Variants in MBTPS1 observed in about 807,000 individuals in gnomAD.
The protein encoded by MBTPS1 is membrane-bound transcription factor site-1 protease.
Under a neutral mutation model 127.8 loss-of-function variants are expected in MBTPS1, and 94 were observed. That is an observed-to-expected ratio of 0.74 (90% CI 0.62 to 0.87). MBTPS1 has a LOEUF of 0.87. MBTPS1 is among the 40% of genes least tolerant of loss of function. The pLI, the probability that MBTPS1 is intolerant of heterozygous loss-of-function variation, is 0.00. For missense variants in MBTPS1, 1,636 were observed against 1,353.2 expected (o/e 1.21, Z -3.28); for synonymous variants, 632 against 509.4 (o/e 1.24, Z -3.24).
chr16:84,066,856 T>C (rs1440240111), intron 16 of MBTPS1, among the ~76,000 whole-genome samples: 7 of 152,156 alleles, frequency 4.6e-5, no homozygotes, highest in Non-Finnish European at 7.3e-5. Flanking sequence ...TTTACCGAAA[T>C]GCACCAGAGA....
chr16:84,082,539 T>G (rs1002245037), intron 10 of MBTPS1, among the ~76,000 whole-genome samples: 4 of 152,224 alleles, frequency 2.6e-5, no homozygotes, highest in African/African-American at 9.7e-5. Context: ...GGCTAGGAAC[T>G]TAGCCTGGTG....
Position 84,095,604 on chromosome 16 carries a change from G to C in MBTPS1, c.623C>G (p.Thr208Arg). The change falls in exon 4 of 23, where the codon ACA becomes AGA. Residue 208 changes from threonine (T) to arginine (R), a missense_variant and splice_region_variant. By Grantham distance (71) the Thr-to-Arg change is moderately conservative (BLOSUM62 -1). Coordinates refer to ENST00000343411, the MANE Select transcript of MBTPS1 (RefSeq NM_003791.4). ...QADVLWQMGY[T>R]GANVRVAVFD... ...CTTCCCTGGGTAATAGCACACACCT[G>C]TATATCCCATCTGCCAGAGCACATC... 1 of 1,614,086 alleles carries C rather than the reference G, an allele frequency of 6.2e-7. No homozygotes were observed. The highest frequency in any genetic ancestry group is 8.5e-7 in the Non-Finnish European group (1 of 1,179,968).
At position 84,068,442 on chromosome 16, in the gene MBTPS1, G is replaced by A; in HGVS notation, c.1968C>T (p.His656=). The A allele has an allele frequency of 6.2e-7, 1 of 1,607,982 alleles. No homozygotes were observed. Among genetic ancestry groups the A allele is most frequent in the Non-Finnish European group, 8.5e-7 (1 of 1,174,286 alleles). The change falls in exon 15 of 23, where the codon CAC becomes CAT. Residue 656 remains histidine (H), a synonymous_variant. Transcript: ENST00000343411. The part of the protein sequence containing the change: ...KNDPLDWNGD[H]IHTNFRDMYQ... The stretch of plus-strand genomic sequence containing the variant: ...ACATATCCCTGAAATTGGTGTGGAT[G>A]TGATCACCATTCCTGAAAAACAATA...
chr16:84,101,704 T>G lies in MBTPS1; in HGVS notation c.80A>C (p.Lys27Thr), dbSNP rs148341491. The G allele has an allele frequency of 1.0e-4, 165 of 1,614,170 alleles. No homozygotes were observed. The East Asian group carries it at 2.2e-3, about 22-fold the overall frequency. Reference protein sequence around the residue: ...GKKHLGDRLEKKSFEKAPCPG... With the variant: ...GKKHLGDRLETKSFEKAPCPG... Reference sequence around the variant, plus strand: ...GCATGGGGCCTTTTCAAAAGATTTCTTTTCCAGTCTGTCGCCCAGATGTTT... The same window carrying G: ...GCATGGGGCCTTTTCAAAAGATTTCGTTTCCAGTCTGTCGCCCAGATGTTT... Residue 27 changes from lysine to threonine, a missense_variant, in exon 2 of 23, where the codon AAG becomes ACG. Physicochemically the swap from Lys to Thr is moderately conservative, Grantham distance 78. Coordinates refer to ENST00000343411, the MANE Select transcript of MBTPS1 (RefSeq NM_003791.4).
intron 2 of MBTPS1, among the ~76,000 whole-genome samples, chr16:84,100,436 CG>C (rs759898234): frequency 5.1e-4 from 78 of 151,892 alleles, no homozygotes; most frequent in Non-Finnish European, 9.6e-4. Flanking sequence ...CCCAGCTACT[CG>C]GGAGGCTGAG....
At chr16:84,079,316 G>C (rs1267871447) in intron 11 of MBTPS1, among the ~76,000 whole-genome samples, 2 of 152,150 alleles carry the variant, frequency 1.3e-5, no homozygotes, top group East Asian at 3.8e-4. Context: ...TTATAGCAGT[G>C]CAAGAACAAA....
chr16:84,093,664 C>T (rs753977028), intron 5 of MBTPS1, 47 bp downstream of exon 5: 2 of 1,257,256 alleles, frequency 1.6e-6, no homozygotes, highest in Non-Finnish European at 2.3e-6. Flanking sequence ...ACTAAACACA[C>T]TCTCAGTCGA....
intron 11 of MBTPS1, among the ~76,000 whole-genome samples, chr16:84,077,423 G>C (rs1460831954): frequency 2.6e-5 from 4 of 152,120 alleles, no homozygotes; most frequent in Admixed American, 6.5e-5. Flanking sequence ...AGAATGGAAA[G>C]CTCAGGGATA....
chr16:84,084,910 A>G, intron 10 of MBTPS1, 73 bp downstream of exon 10: 2 of 1,506,826 alleles, frequency 1.3e-6, no homozygotes. Context: ...GCAAGACACG[A>G]CTCCTGCTCT....
intron 19 of MBTPS1, chr16:84,061,166 T>C (rs1202194420): frequency 1.8e-5 from 3 of 168,570 alleles, no homozygotes; most frequent in African/African-American, 7.2e-5. Context: ...TTTTTTAAGT[T>C]AGTCCCCAAA....
chr16:84,059,420 G>C lies in MBTPS1; in HGVS notation c.2713C>G (p.Leu905Val). 6.2e-7 allele frequency: 1 copy of C among 1,612,422 alleles called. No homozygotes were observed. Among genetic ancestry groups the C allele is most frequent in the Non-Finnish European group, 8.5e-7 (1 of 1,178,930 alleles). Residue 905 changes from leucine to valine, a missense_variant, in exon 21 of 23, where the codon CTT becomes GTT. By Grantham distance (32) the Leu-to-Val change is conservative (BLOSUM62 1). Coordinates refer to ENST00000343411, the MANE Select transcript of MBTPS1 (RefSeq NM_003791.4). ...TCCAGAACCTTGGAGTACCGATGAA[G>C]ATGGTTTCCTGTGGTTAGCAGCAAC... ...VTPERMEGNH[L>V]HRYSKVLEAH...
At chr16:84,084,412 G>A (rs920856866) in intron 10 of MBTPS1, among the ~76,000 whole-genome samples, 1 of 152,208 alleles carries the variant, frequency 6.6e-6, no homozygotes, top group African/African-American at 2.4e-5. Flanking sequence ...AACATTAAAA[G>A]GTGAGTCCCC....
intron 10 of MBTPS1, among the ~76,000 whole-genome samples, chr16:84,082,361 AC>A (rs1301054825): frequency 6.6e-6 from 1 of 152,130 alleles, no homozygotes; most frequent in Admixed American, 6.5e-5. Context: ...CTGAGTGAGG[AC>A]CGCCGCCTCC....
rs760789068 is a variant in MBTPS1, at chr16:84,060,805, A to G, written c.2581T>C (p.Trp861Arg). ...DDSHRQKDCF[W>R]LLDALLQYTS... The stretch of plus-strand genomic sequence containing the variant: ...TACTGGAGGAGGGCATCCAGAAGCC[A>G]AAAGCAGTCTGCGAAGTCAACAAGC... Residue 861 changes from tryptophan (W) to arginine (R), a missense_variant, in exon 20 of 23, where the codon TGG (tryptophan) becomes CGG (arginine). Coordinates refer to ENST00000343411, the MANE Select transcript of MBTPS1 (RefSeq NM_003791.4). The G allele has an allele frequency of 1.3e-6, 2 of 1,583,012 alleles. No individual in the cohort carries two copies. Among genetic ancestry groups the G allele is most frequent in the Non-Finnish European group, 1.7e-6 (2 of 1,164,212 alleles).
chr16:84,062,344 C>T (rs552727968), intron 19 of MBTPS1, among the ~76,000 whole-genome samples: 4 of 152,198 alleles, frequency 2.6e-5, no homozygotes, highest in Non-Finnish European at 5.9e-5. Flanking sequence ...TGGTCATGAA[C>T]TCCTGACCTT....
At chr16:84,055,134 G>C (rs560563273) in intron 22 of MBTPS1, among the ~76,000 whole-genome samples, 1 of 152,358 alleles carries the variant, frequency 6.6e-6, no homozygotes, top group Non-Finnish European at 1.5e-5. Flanking sequence ...GGGACGTGTG[G>C]CTGAAAGCCA....
chr16:84,098,478 C>T (rs896825674), intron 3 of MBTPS1, among the ~76,000 whole-genome samples: 4 of 152,038 alleles, frequency 2.6e-5, no homozygotes, highest in Non-Finnish European at 2.9e-5. Context: ...GGCATGGTGG[C>T]GCATGCCTGT....
At chr16:84,085,652 G>C (rs1157129557) in intron 9 of MBTPS1, among the ~76,000 whole-genome samples, 1 of 144,112 alleles carries the variant, frequency 6.9e-6, no homozygotes, top group Non-Finnish European at 1.5e-5. Flanking sequence ...AATGTAGAAA[G>C]TAAATTTTTA....
intron 1 of MBTPS1, among the ~76,000 whole-genome samples, chr16:84,112,858 C>G (rs1462742367): frequency 6.7e-6 from 1 of 150,364 alleles, no homozygotes; most frequent in Non-Finnish European, 1.5e-5. Flanking sequence ...ACCTGTAATC[C>G]CAGCTACTCA....
Sources: gnomAD v4.1 joint callset for allele counts (sites outside exome capture counted in the v4.1 genomes callset) on GRCh38, gnomAD v4.1.1 for gene constraint, MANE v1.5 for transcripts, NCBI Gene and HGNC (gene_info 2026-07-23, HGNC 2026-07-21) for gene names.